GLI2: variants seen among roughly 807,000 people sequenced by gnomAD.
The protein encoded by GLI2 is GLI family zinc finger 2.
GLI2 carries 22 observed loss-of-function variants against 78.9 expected under a neutral mutation model. The observed-to-expected ratio is 0.28, with a 90% CI of 0.20 to 0.40. GLI2 has a LOEUF of 0.40. GLI2 is among the 10% of genes least tolerant of loss of function. The pLI is 1.00. For synonymous variants in GLI2, 974 were observed against 963.7 expected (o/e 1.01, Z -0.20); for missense variants, 2,097 against 2,213.2 (o/e 0.95, Z 1.05).
rs764245330 is a variant in GLI2 at position 120,737,823 on chromosome 2, CA to C, written c.-31+1539del. ...TAAACAAATATTGTATTGGCATGCTCAGGGGGCTCGGTGCCAAAAAGTAAAG... is the reference window on the plus strand; with the variant it reads ...TAAACAAATATTGTATTGGCATGCTCGGGGGCTCGGTGCCAAAAAGTAAAG... On this transcript the variant is annotated intron_variant, in intron 1 of 13. Transcript: ENST00000361492. This position sits in a 1 kb window ranked among gnomAD's most constrained non-coding sequence, Gnocchi z 4.3. Among the ~76,000 whole-genome samples, 2 of 152,238 alleles carry C rather than the reference CA, an allele frequency of 1.3e-5. No homozygotes were observed. The highest frequency in any genetic ancestry group is 4.8e-5 in the African/African-American group (2 of 41,466).
intron 1 of GLI2, among the ~76,000 whole-genome samples, chr2:120,791,598 A>ACATGTT (rs1170931223): frequency 6.6e-6 from 1 of 152,216 alleles, no homozygotes; most frequent in Non-Finnish European, 1.5e-5. Flanking sequence ...AAGGCAGGGC[A>ACATGTT]CATGTTTATC....
chr2:120,962,256 G>A (rs952261598), intron 5 of GLI2, among the ~76,000 whole-genome samples: 4 of 152,142 alleles, frequency 2.6e-5, no homozygotes, highest in Admixed American at 2.0e-4. Flanking sequence ...CTGCCTCAGG[G>A]AAAACAATGA....
At position 120,884,671 on chromosome 2, in the gene GLI2, C is replaced by G. The variant is rs145343625; in HGVS notation, c.149-42690C>G. Among the ~76,000 whole-genome samples the G allele has an allele frequency of 1.5e-3, 234 of 152,272 alleles. 1 individual carries two copies. Among genetic ancestry groups the G allele is most frequent in the Admixed American group, 2.5e-3 (38 of 15,296 alleles). On this transcript the variant is annotated intron_variant, in intron 2 of 13. Coordinates refer to ENST00000361492, the MANE Select transcript of GLI2 (RefSeq NM_001374353.1). ...CCTGGGTTGAGACAGTGGATTTAAT[C>G]AGGCTGGGTCCCCGCAGTTCACCCG...
At chr2:120,903,492 A>T (rs1167950296) in intron 2 of GLI2, among the ~76,000 whole-genome samples, 1 of 152,220 alleles carries the variant, frequency 6.6e-6, no homozygotes, top group Non-Finnish European at 1.5e-5. Flanking sequence ...ACAAAGTCCC[A>T]CTGTCAGTTC....
chr2:120,951,521 A>G, intron 4 of GLI2, 76 bp downstream of exon 4: 1 of 859,514 alleles, frequency 1.2e-6, no homozygotes, highest in Non-Finnish European at 1.9e-6. Flanking sequence ...TCACGCTAAC[A>G]CTGTCAACTC....
Position 120,754,419 on chromosome 2 carries a change from C to G in GLI2, c.-31+18134C>G, listed in dbSNP as rs1682977659. ...ATCATCCGCAGAAGTTTCCTCATGCCCCTCTGTAATCTGTCCCCCCACCCC... is the reference window on the plus strand; with the variant it reads ...ATCATCCGCAGAAGTTTCCTCATGCGCCTCTGTAATCTGTCCCCCCACCCC... On this transcript the variant is annotated intron_variant, in intron 1 of 13. Transcript: ENST00000361492. Among the ~76,000 whole-genome samples the G allele has an allele frequency of 2.0e-5, 3 of 152,052 alleles. No homozygotes were observed. The South Asian group carries it at 6.3e-4, about 32-fold the overall frequency.
chr2:120,849,264 G>A (rs1364995188), intron 2 of GLI2, among the ~76,000 whole-genome samples: 13 of 152,186 alleles, frequency 8.5e-5, no homozygotes, highest in Non-Finnish European at 2.9e-5. Context: ...ACAACAATGT[G>A]AATGTATTTG....
chr2:120,784,355 G>C (rs532269736), intron 1 of GLI2, among the ~76,000 whole-genome samples: 110 of 152,322 alleles, frequency 7.2e-4, no homozygotes, highest in African/African-American at 2.3e-3. Flanking sequence ...AGAGATCCCA[G>C]CCTTAGCTCT....
At chr2:120,978,774 C>T (rs1163806089) in intron 10 of GLI2, among the ~76,000 whole-genome samples, 191 bp downstream of exon 10, 2 of 152,190 alleles carry the variant, frequency 1.3e-5, no homozygotes, top group Non-Finnish European at 2.9e-5. Context: ...TCGTGCCGTC[C>T]CAGACCTTGA....
chr2:120,975,987 C>G (rs913559663), intron 9 of GLI2, among the ~76,000 whole-genome samples: 2 of 152,114 alleles, frequency 1.3e-5, no homozygotes, highest in Non-Finnish European at 2.9e-5. Flanking sequence ...CCTAGCAGCT[C>G]CCTCCTTCCT....
chr2:120,755,059 C>CA (rs1284581785), intron 1 of GLI2, among the ~76,000 whole-genome samples: 1 of 152,122 alleles, frequency 6.6e-6, no homozygotes, highest in Non-Finnish European at 1.5e-5. Flanking sequence ...CCATGTTGGC[C>CA]AGGCCAGTCT....
chr2:120,856,901 C>T (rs1355232266), intron 2 of GLI2, among the ~76,000 whole-genome samples: 1 of 150,790 alleles, frequency 6.6e-6, no homozygotes, highest in African/African-American at 2.4e-5. Flanking sequence ...GAGTAGCCCT[C>T]TCTGGGTTGA....
intron 2 of GLI2, among the ~76,000 whole-genome samples, chr2:120,915,028 C>A (rs1480388488): frequency 6.6e-6 from 1 of 152,206 alleles, no homozygotes; most frequent in Non-Finnish European, 1.5e-5. Flanking sequence ...ACGGGGCTGG[C>A]CTCTCCCGTG....
At chr2:120,957,238 C>T (rs903892219) in intron 5 of GLI2, among the ~76,000 whole-genome samples, 12 of 152,190 alleles carry the variant, frequency 7.9e-5, no homozygotes, top group Admixed American at 2.6e-4. Context: ...GTGTCTGTCC[C>T]GTTCTTCCTT....
chr2:120,871,440 G>A (rs910729064), intron 2 of GLI2, among the ~76,000 whole-genome samples: 3 of 152,334 alleles, frequency 2.0e-5, no homozygotes, highest in East Asian at 1.9e-4. Flanking sequence ...ACGCCCAGGC[G>A]TCACCCATGC....
At chr2:120,848,532 C>T (rs966249953) in intron 2 of GLI2, among the ~76,000 whole-genome samples, 4 of 152,166 alleles carry the variant, frequency 2.6e-5, no homozygotes, top group African/African-American at 9.7e-5. Flanking sequence ...GTCTGTTTTT[C>T]ATTGTTCATC....
At chr2:120,826,864 C>T (rs891160511) in intron 2 of GLI2, among the ~76,000 whole-genome samples, 22 of 152,324 alleles carry the variant, frequency 1.4e-4, no homozygotes, top group Admixed American at 1.1e-3. Flanking sequence ...GCCCGGCTCC[C>T]GCTTCCTCTG....
At chr2:120,944,091 C>T (rs539964380) in intron 3 of GLI2, among the ~76,000 whole-genome samples, 4 of 152,280 alleles carry the variant, frequency 2.6e-5, no homozygotes, top group Admixed American at 6.5e-5. Context: ...GCACCCACTC[C>T]GAGGGTCTGG....
intron 2 of GLI2, among the ~76,000 whole-genome samples, chr2:120,809,437 G>A (rs1685125952): frequency 6.6e-6 from 1 of 152,220 alleles, no homozygotes; most frequent in Admixed American, 6.5e-5. Context: ...TAATTAGATA[G>A]TGGTGATGGT....
Sources: gnomAD v4.1 joint callset for allele counts (sites outside exome capture counted in the v4.1 genomes callset) on GRCh38, gnomAD v4.1.1 for gene constraint, Gnocchi (gnomAD v3.1) non-coding constraint, MANE v1.5 for transcripts, NCBI Gene and HGNC (gene_info 2026-07-23, HGNC 2026-07-21) for gene names.